Variants in PRKN observed in about 807,000 individuals in gnomAD.
PRKN encodes the protein parkin RBR E3 ubiquitin protein ligase, also known as E3 ubiquitin-protein ligase parkin.
Under a neutral mutation model 59.5 loss-of-function variants are expected in PRKN, and 56 were observed. That is an observed-to-expected ratio of 0.94 (90% CI 0.76 to 1.18). PRKN has a LOEUF of 1.18. PRKN is among the 50% of genes most tolerant of loss of function. The probability of loss-of-function intolerance (pLI) is 0.00; values close to 1 mark genes in which losing one functional copy is unlikely to be tolerated. For missense variants in PRKN, 657 were observed against 596.4 expected, an observed-to-expected ratio of 1.10 and a Z score of -1.06; for synonymous variants, 250 against 222.1, an observed-to-expected ratio of 1.13 and a Z score of -1.12.
At chr6:162,128,739 G>A (rs539894659) in intron 4 of PRKN, among the ~76,000 whole-genome samples, 1 of 152,286 alleles carries the variant, frequency 6.6e-6, no homozygotes, top group Admixed American at 6.5e-5. Context: ...GGTCACAAGG[G>A]CAGAGCCCTC....
intron 6 of PRKN, among the ~76,000 whole-genome samples, chr6:161,866,613 AAC>A (rs1562347719): frequency 6.6e-6 from 1 of 152,174 alleles, no homozygotes; most frequent in Non-Finnish European, 1.5e-5. Context: ...ACCAAAATGT[AAC>A]AGAGACACAC....
chr6:162,699,239 C>A (rs1451831774), intron 1 of PRKN, among the ~76,000 whole-genome samples: 2 of 152,102 alleles, frequency 1.3e-5, no homozygotes, highest in African/African-American at 4.8e-5. Flanking sequence ...AATATGAAAT[C>A]ACTCTTGCCT....
intron 3 of PRKN, among the ~76,000 whole-genome samples, chr6:162,211,268 C>T (rs1443187219): frequency 6.6e-6 from 1 of 152,180 alleles, no homozygotes; most frequent in Non-Finnish European, 1.5e-5. Flanking sequence ...CCCCACATCC[C>T]TCATGCAATC....
At chr6:161,472,614 C>T (rs369620957) in intron 9 of PRKN, among the ~76,000 whole-genome samples, 2 of 152,112 alleles carry the variant, frequency 1.3e-5, no homozygotes, top group African/African-American at 4.8e-5. Flanking sequence ...GGATACCACA[C>T]CAAAGCTCAG....
chr6:162,133,695 T>C (rs567782356), intron 4 of PRKN, among the ~76,000 whole-genome samples: 1 of 152,274 alleles, frequency 6.6e-6, no homozygotes, highest in African/African-American at 2.4e-5. Flanking sequence ...TGCTCAGTTC[T>C]TGGGTTGCTG....
At chr6:161,426,545 T>C (rs193152636) in intron 9 of PRKN, among the ~76,000 whole-genome samples, 1 of 151,924 alleles carries the variant, frequency 6.6e-6, no homozygotes, top group African/African-American at 2.4e-5. Context: ...TTCTTCAGTC[T>C]TGGGACTCAG....
chr6:162,624,151 G>A (rs2128221380), intron 1 of PRKN, among the ~76,000 whole-genome samples: 1 of 151,928 alleles, frequency 6.6e-6, no homozygotes, highest in African/African-American at 2.4e-5. Context: ...GGGAGGCTGA[G>A]GCAGGAGAAT....
At chr6:162,517,969 G>A (rs562777452) in intron 1 of PRKN, among the ~76,000 whole-genome samples, 36 of 152,206 alleles carry the variant, frequency 2.4e-4, no homozygotes, top group Admixed American at 9.2e-4. Flanking sequence ...ACACTTAGCT[G>A]GATGCTATAA....
intron 3 of PRKN, among the ~76,000 whole-genome samples, chr6:162,224,120 A>C (rs914386116): frequency 3.3e-5 from 5 of 151,820 alleles, no homozygotes; most frequent in African/African-American, 9.7e-5. Context: ...TCTTAACGAT[A>C]TTTTATTTGA....
rs1479536642 is a variant in PRKN, at chr6:161,397,776, T to G, written c.1084-10899A>C. On this transcript the variant is annotated intron_variant, in intron 9 of 11. Transcript: ENST00000366898. The surrounding 1 kb of genome is among the most constrained non-coding windows in gnomAD (Gnocchi z 4.2). The stretch of plus-strand genomic sequence containing the variant: ...GCACAGTGCTGAGGAAACCCAGTAC[T>G]GAGAATGGAGAGGTCAATCCTGAGT... 6.6e-6 allele frequency among the ~76,000 whole-genome samples: 1 copy of G among 152,152 alleles called. No homozygotes were observed. The highest frequency in any genetic ancestry group is 1.5e-5 in the Non-Finnish European group (1 of 68,038).
At chr6:161,610,608 A>G (rs1401052648) in intron 7 of PRKN, among the ~76,000 whole-genome samples, 1 of 151,966 alleles carries the variant, frequency 6.6e-6, no homozygotes, top group African/African-American at 2.4e-5. Context: ...TAAACACCTC[A>G]AACAACCCAG....
At chr6:161,638,082 T>C (rs6455742) in intron 7 of PRKN, among the ~76,000 whole-genome samples, 102,777 of 151,850 alleles carry the variant, frequency 0.68, 36,739 homozygotes, top group African/African-American at 0.92. Context: ...CAGATAATAA[T>C]TACAAAACTT....
At chr6:161,900,935 A>T (rs1203186000) in intron 6 of PRKN, among the ~76,000 whole-genome samples, 7 of 118,114 alleles carry the variant, frequency 5.9e-5, no homozygotes, top group Admixed American at 8.3e-5. Flanking sequence ...TATATTTTTT[A>T]GATGGAGTCT....
chr6:161,682,443 C>T (rs568204668), intron 7 of PRKN, among the ~76,000 whole-genome samples: 3 of 152,286 alleles, frequency 2.0e-5, no homozygotes, highest in South Asian at 4.1e-4. Flanking sequence ...CTCACCAAAA[C>T]ATGTACAGAA....
At chr6:161,810,186 A>C (rs1385166796) in intron 6 of PRKN, among the ~76,000 whole-genome samples, 1 of 152,130 alleles carries the variant, frequency 6.6e-6, no homozygotes, top group Non-Finnish European at 1.5e-5. Flanking sequence ...AGAAGCAGAG[A>C]CTATGACACA....
intron 4 of PRKN, among the ~76,000 whole-genome samples, chr6:162,116,317 C>G (rs1214187943): frequency 6.6e-6 from 1 of 152,208 alleles, no homozygotes; most frequent in African/African-American, 2.4e-5. Flanking sequence ...TTGATCACAA[C>G]ATGCAAACAA....
At position 161,707,865 on chromosome 6, in the gene PRKN, A is replaced by C. The variant is rs1458594387; in HGVS notation, c.871+77907T>G. Among the ~76,000 whole-genome samples the C allele has an allele frequency of 3.9e-5, 6 of 152,160 alleles. No individual in the cohort carries two copies. The South Asian group carries it at 8.3e-4, about 21-fold the overall frequency. Reference sequence around the variant, plus strand: ...TCCTAGGGCTTCAAACATACAATGAATCCAAAAGGACTCTGTTGGTTACTG... The same window carrying C: ...TCCTAGGGCTTCAAACATACAATGACTCCAAAAGGACTCTGTTGGTTACTG... On this transcript the variant is annotated intron_variant, in intron 7 of 11. Coordinates refer to ENST00000366898, the MANE Select transcript of PRKN (RefSeq NM_004562.3).
At chr6:162,168,745 G>A (rs570336351) in intron 4 of PRKN, among the ~76,000 whole-genome samples, 12 of 151,964 alleles carry the variant, frequency 7.9e-5, no homozygotes, top group Admixed American at 2.6e-4. Context: ...TAAATCTTAC[G>A]TACAATCATT....
At chr6:161,724,513 C>A (rs191480896) in intron 7 of PRKN, among the ~76,000 whole-genome samples, 51 of 152,322 alleles carry the variant, frequency 3.3e-4, no homozygotes, top group Non-Finnish European at 5.7e-4. Flanking sequence ...CTGCTGGTTA[C>A]ATTTGCAATT....
Sources: gnomAD v4.1 joint callset for allele counts (sites outside exome capture counted in the v4.1 genomes callset) on GRCh38, gnomAD v4.1.1 for gene constraint, Gnocchi (gnomAD v3.1) non-coding constraint, MANE v1.5 for transcripts, NCBI Gene and HGNC (gene_info 2026-07-23, HGNC 2026-07-21) for gene names.